Variants in LRP1B observed in about 807,000 individuals in gnomAD.
LRP1B encodes low-density lipoprotein receptor-related protein 1B.
A neutral mutation model predicts 556.6 loss-of-function variants in LRP1B; 217 were observed. The observed-to-expected ratio is 0.39, with a 90% CI of 0.35 to 0.44. The LOEUF (loss-of-function observed/expected upper bound fraction) is 0.44, where lower values mean the gene tolerates loss of function less well. LRP1B is among the 20% of genes least tolerant of loss of function. LRP1B has a pLI of 1.00. For missense variants in LRP1B, 5,053 were observed against 5,620.8 expected, an observed-to-expected ratio of 0.90 and a Z score of 3.23; for synonymous variants, 2,047 against 1,865.8, an observed-to-expected ratio of 1.10 and a Z score of -2.50.
chr2:140,541,028 T>A lies in LRP1B; in HGVS notation c.7458A>T (p.Arg2486Ser), dbSNP rs748085640. Reference sequence around the variant, plus strand: ...GGTCCCCTCTGCAGGAACAATTCACTCTCCCATTGGGAGTTAAAAGGCACA... The same window carrying A: ...GGTCCCCTCTGCAGGAACAATTCACACTCCCATTGGGAGTTAAAAGGCACA... ...HDLCLLTPNGRVNCSCRGDRI... is the reference protein window; with the variant it reads ...HDLCLLTPNGSVNCSCRGDRI... The change falls in exon 45 of 91, where the codon AGA (arginine) becomes AGT (serine). Residue 2486 changes from arginine to serine, a missense_variant. By Grantham distance (110) the Arg-to-Ser change is moderately radical. This residue lies in a region of LRP1B where 3,619 missense variants were observed against 3,931.9 expected (regional missense o/e 0.92). Transcript: ENST00000389484. The A allele has an allele frequency of 6.2e-7, 1 of 1,611,778 alleles. No individual in the cohort carries two copies. The highest frequency in any genetic ancestry group is 2.2e-5 in the East Asian group (1 of 44,816).
intron 17 of LRP1B, among the ~76,000 whole-genome samples, chr2:140,988,029 A>G (rs1362823152): frequency 6.6e-6 from 1 of 152,228 alleles, no homozygotes; most frequent in Non-Finnish European, 1.5e-5. Context: ...TCTCATTATG[A>G]ATTATAATCA....
intron 2 of LRP1B, among the ~76,000 whole-genome samples, chr2:141,644,410 G>A (rs919147558): frequency 6.6e-6 from 1 of 152,086 alleles, no homozygotes; most frequent in African/African-American, 2.4e-5. Context: ...TAGTGAGGGC[G>A]CCCAGCCACG....
At chr2:140,801,247 G>A (rs950124981) in intron 32 of LRP1B, among the ~76,000 whole-genome samples, 11 of 152,110 alleles carry the variant, frequency 7.2e-5, no homozygotes, top group Admixed American at 7.2e-4. Context: ...AGGAAAATAC[G>A]AATGCATTCA....
At chr2:140,668,370 A>G (rs887832503) in intron 41 of LRP1B, among the ~76,000 whole-genome samples, 15 of 146,418 alleles carry the variant, frequency 1.0e-4, no homozygotes, top group African/African-American at 3.8e-4. Flanking sequence ...TCAAATATAC[A>G]TATATATTTA....
intron 2 of LRP1B, among the ~76,000 whole-genome samples, chr2:141,706,018 C>T (rs866535260): frequency 5.0e-4 from 76 of 152,050 alleles, no homozygotes; most frequent in African/African-American, 1.7e-3. Context: ...AAATAGAACA[C>T]GACTAAGTAT....
chr2:141,741,421 T>A (rs1413327047), intron 2 of LRP1B, among the ~76,000 whole-genome samples: 1 of 152,004 alleles, frequency 6.6e-6, no homozygotes, highest in Non-Finnish European at 1.5e-5. Flanking sequence ...CTACCAATAG[T>A]GTACAAGCAT....
intron 32 of LRP1B, among the ~76,000 whole-genome samples, chr2:140,803,338 G>C (rs570793886): frequency 6.9e-6 from 1 of 144,440 alleles, no homozygotes; most frequent in African/African-American, 2.6e-5. Context: ...GCAGTGGCGC[G>C]CGATCTTGGC....
chr2:141,196,889 T>G (rs887839632), intron 6 of LRP1B, among the ~76,000 whole-genome samples: 1 of 152,108 alleles, frequency 6.6e-6, no homozygotes, highest in Admixed American at 6.6e-5. Flanking sequence ...GTAGTTGATA[T>G]GCCTTGGCTG....
At chr2:140,725,261 A>G (rs1687551806) in intron 35 of LRP1B, among the ~76,000 whole-genome samples, 1 of 152,016 alleles carries the variant, frequency 6.6e-6, no homozygotes, top group South Asian at 2.1e-4. Context: ...TTTTTCAATC[A>G]TCATGTTTCT....
chr2:140,593,797 AATGT>A (rs1213768964), intron 43 of LRP1B, among the ~76,000 whole-genome samples: 1 of 152,192 alleles, frequency 6.6e-6, no homozygotes, highest in African/African-American at 2.4e-5. Context: ...AAAAAATAAA[AATGT>A]ATTTAAAAAA....
chr2:140,648,821 A>T (rs1434923025), intron 41 of LRP1B, among the ~76,000 whole-genome samples: 2 of 152,116 alleles, frequency 1.3e-5, no homozygotes, highest in Admixed American at 6.6e-5. Context: ...TTTAAATTTA[A>T]TTGTAATGTG....
chr2:141,093,898 G>A (rs1287720303), intron 7 of LRP1B, among the ~76,000 whole-genome samples: 1 of 151,918 alleles, frequency 6.6e-6, no homozygotes, highest in Non-Finnish European at 1.5e-5. Flanking sequence ...TGTATTTTTA[G>A]TAGAGACAGC....
intron 41 of LRP1B, among the ~76,000 whole-genome samples, chr2:140,636,383 A>G (rs552140670): frequency 8.5e-5 from 13 of 152,156 alleles, no homozygotes; most frequent in Non-Finnish European, 1.3e-4. Flanking sequence ...AATGTGCTGT[A>G]TAAAGCATGG....
At chr2:141,464,606 A>ATTTTTTTTTTTTTT (rs71391651) in intron 3 of LRP1B, among the ~76,000 whole-genome samples, 3 of 90,540 alleles carry the variant, frequency 3.3e-5, no homozygotes, top group African/African-American at 1.3e-4. Flanking sequence ...ATATATATAT[A>ATTTTTTTTTTTTTT]TTTTTTTAGT....
intron 2 of LRP1B, among the ~76,000 whole-genome samples, chr2:141,631,345 A>G (rs1402706359): frequency 6.6e-6 from 1 of 152,022 alleles, no homozygotes; most frequent in African/African-American, 2.4e-5. Flanking sequence ...TTGGGTGGGG[A>G]CACAGCCAAA....
rs1013139656 is a variant in LRP1B, at chr2:140,322,523, C to T, written c.12515-435G>A. On this transcript the variant is annotated intron_variant, in intron 81 of 90. Coordinates refer to ENST00000389484, the MANE Select transcript of LRP1B (RefSeq NM_018557.3). ...CTAACAGACAAAAACAATCCCCCCG[C>T]CTTGTATTTATTAATAAAAAGGATG... 2.8e-5 allele frequency among the ~76,000 whole-genome samples: 4 copies of T among 143,024 alleles called. No individual in the cohort carries two copies. The East Asian group carries it at 7.8e-4, about 28-fold the overall frequency. 93.8% of individuals were successfully genotyped at this position (143,024 alleles called of 152,430 possible).
chr2:140,503,904 A>G (rs1367056508), intron 53 of LRP1B, among the ~76,000 whole-genome samples: 1 of 152,120 alleles, frequency 6.6e-6, no homozygotes, highest in South Asian at 2.1e-4. Context: ...AATATACTCA[A>G]TAATGAATAT....
At chr2:141,816,323 C>G (rs1348732992) in intron 1 of LRP1B, among the ~76,000 whole-genome samples, 2 of 152,102 alleles carry the variant, frequency 1.3e-5, no homozygotes, top group Non-Finnish European at 2.9e-5. Flanking sequence ...TCTAGGTGGG[C>G]ACCATCTAAT....
intron 3 of LRP1B, among the ~76,000 whole-genome samples, chr2:141,258,630 A>C (rs1216307185): frequency 2.6e-5 from 4 of 152,108 alleles, no homozygotes; most frequent in Non-Finnish European, 5.9e-5. Flanking sequence ...CCCAAATCTC[A>C]TGTTGAATTG....
Sources: allele counts gnomAD v4.1 joint callset (sites outside exome capture counted in the v4.1 genomes callset), GRCh38; gene constraint gnomAD v4.1.1; regional missense constraint gnomAD v4.1.1; transcripts MANE v1.5; gene names NCBI Gene and HGNC (gene_info 2026-07-23, HGNC 2026-07-21).